RELN: variants seen among roughly 807,000 people sequenced by gnomAD.
RELN encodes the protein reelin.
A neutral mutation model predicts 427.6 loss-of-function variants in RELN; 108 were observed. The observed-to-expected ratio is 0.25, with a 90% confidence interval of 0.22 to 0.30. The LOEUF (loss-of-function observed/expected upper bound fraction) is 0.30. RELN is among the 10% of genes least tolerant of loss of function. The pLI, the probability that RELN is intolerant of heterozygous loss-of-function variation, is 1.00. For missense variants in RELN, 3,715 were observed against 4,302.8 expected (o/e 0.86, Z 3.82); for synonymous variants, 1,524 against 1,513.4 (o/e 1.01, Z -0.16).
At chr7:103,546,262 C>G (rs188984110) in intron 41 of RELN, among the ~76,000 whole-genome samples, 1 of 152,308 alleles carries the variant, frequency 6.6e-6, no homozygotes, top group Admixed American at 6.5e-5. Flanking sequence ...CCTTTTGTGT[C>G]TGGCTTCATT....
chr7:103,786,472 G>A (rs1202593301), intron 3 of RELN, among the ~76,000 whole-genome samples: 7 of 139,104 alleles, frequency 5.0e-5, no homozygotes, highest in African/African-American at 1.9e-4. Flanking sequence ...ACACACATAG[G>A]CCCAAAATAA....
intron 1 of RELN, among the ~76,000 whole-genome samples, chr7:103,961,010 C>G (rs1358552313): frequency 6.6e-6 from 1 of 152,188 alleles, no homozygotes; most frequent in Non-Finnish European, 1.5e-5. Flanking sequence ...ATTGTTAGGG[C>G]AGATGAATTT....
chr7:103,828,635 A>C (rs987563215), intron 3 of RELN, among the ~76,000 whole-genome samples: 2 of 151,954 alleles, frequency 1.3e-5, no homozygotes, highest in African/African-American at 4.8e-5. Context: ...TTTGCCTGTA[A>C]TTCACACATT....
intron 34 of RELN, 143 bp downstream of exon 34, chr7:103,565,135 C>A (rs987680921): frequency 1.9e-6 from 2 of 1,067,842 alleles, no homozygotes; most frequent in Non-Finnish European, 2.8e-6. Context: ...ACCCAAAGCA[C>A]CTTGCACTTT....
chr7:103,598,381 T>C (rs1831587966), intron 24 of RELN, among the ~76,000 whole-genome samples: 1 of 152,198 alleles, frequency 6.6e-6, no homozygotes, highest in African/African-American at 2.4e-5. Context: ...AACTCAGAGA[T>C]CCTAGCATTT....
chr7:103,703,081 T>C (rs1167106904), intron 8 of RELN, among the ~76,000 whole-genome samples: 2 of 151,996 alleles, frequency 1.3e-5, no homozygotes, highest in Non-Finnish European at 2.9e-5. Flanking sequence ...AAGACCATGA[T>C]TGGAGCTCAG....
intron 60 of RELN, 68 bp from the exon 61 acceptor site, chr7:103,486,484 T>A: frequency 1.6e-6 from 2 of 1,235,478 alleles, no homozygotes; most frequent in Non-Finnish European, 2.4e-6. Context: ...TAAGAACAAG[T>A]ATTCAAGTTC....
At chr7:103,927,976 C>T (rs1795783311) in intron 1 of RELN, among the ~76,000 whole-genome samples, 2 of 151,866 alleles carry the variant, frequency 1.3e-5, no homozygotes, top group East Asian at 1.9e-4. Context: ...AAATCTTAAT[C>T]TACCCTTAGC....
At chr7:103,945,899 G>A (rs972581673) in intron 1 of RELN, among the ~76,000 whole-genome samples, 1 of 152,178 alleles carries the variant, frequency 6.6e-6, no homozygotes, top group African/African-American at 2.4e-5. Context: ...GGAGCAACAA[G>A]GCTGGACTGC....
intron 19 of RELN, among the ~76,000 whole-genome samples, chr7:103,634,232 T>C (rs2117345191): frequency 6.6e-6 from 1 of 152,278 alleles, no homozygotes; most frequent in Admixed American, 6.5e-5. Context: ...TCCTTCTGTC[T>C]TTCTCATCTC....
chr7:103,729,053 A>G (rs1217693916), intron 6 of RELN, among the ~76,000 whole-genome samples: 1 of 152,136 alleles, frequency 6.6e-6, no homozygotes, highest in African/African-American at 2.4e-5. Context: ...GACCTTGTAT[A>G]TTTACGGTAA....
chr7:103,564,595 C>T lies in RELN; in HGVS notation c.5210+683G>A, dbSNP rs1475689601. Among the ~76,000 whole-genome samples, 3 of 152,196 alleles carry T rather than the reference C, an allele frequency of 2.0e-5. No homozygotes were observed. In the East Asian group the frequency reaches 5.8e-4, roughly 29 times the overall value. On this transcript the variant is annotated intron_variant, in intron 34 of 64. Coordinates refer to ENST00000428762, the MANE Select transcript of RELN (RefSeq NM_005045.4). The stretch of plus-strand genomic sequence containing the variant: ...ACCCTGATTTATCCCTTATCTCTCC[C>T]CTCCATTCTCCTGCAGTGTCTGACA...
chr7:103,601,973 C>A (rs1435939145), intron 24 of RELN, among the ~76,000 whole-genome samples: 1 of 152,130 alleles, frequency 6.6e-6, no homozygotes, highest in Non-Finnish European at 1.5e-5. Context: ...CCACCAGCAG[C>A]CACCAAACCA....
At chr7:103,576,797 G>A (rs578188927) in intron 28 of RELN, among the ~76,000 whole-genome samples, 1 of 152,274 alleles carries the variant, frequency 6.6e-6, no homozygotes, top group South Asian at 2.1e-4. Flanking sequence ...CCTAGTCCCA[G>A]TACTTCAAAA....
intron 49 of RELN, among the ~76,000 whole-genome samples, chr7:103,518,505 G>GTTTT (rs58239018): frequency 8.7e-6 from 1 of 114,404 alleles, no homozygotes; most frequent in Non-Finnish European, 1.6e-5. Context: ...GGTAATTTAA[G>GTTTT]TTTTTTTTTT....
At chr7:103,766,297 C>A (rs1791422987) in intron 4 of RELN, among the ~76,000 whole-genome samples, 1 of 152,216 alleles carries the variant, frequency 6.6e-6, no homozygotes, top group South Asian at 2.1e-4. Flanking sequence ...CTTTGACTAG[C>A]AAATGCTTAA....
At chr7:103,958,796 C>T (rs144712791) in intron 1 of RELN, among the ~76,000 whole-genome samples, 147 of 152,094 alleles carry the variant, frequency 9.7e-4, no homozygotes, top group African/African-American at 3.1e-3. Flanking sequence ...AAATCAGAAA[C>T]ATTAGACTTT....
intron 2 of RELN, among the ~76,000 whole-genome samples, chr7:103,914,300 G>T (rs1278214963): frequency 1.3e-5 from 2 of 151,846 alleles, no homozygotes; most frequent in Admixed American, 1.3e-4. Flanking sequence ...CTTATGTAAA[G>T]GAACTGACAA....
rs362801 is a variant in RELN at position 103,566,767 on chromosome 7, A to C, written c.4589-8T>G. On this transcript the variant is annotated splice_polypyrimidine_tract_variant and splice_region_variant and intron_variant, in intron 31 of 64. Coordinates refer to ENST00000428762, the MANE Select transcript of RELN (RefSeq NM_005045.4). ...AATACTGAACAATAAGCCCTGAGTT[A>C]AAAGACATAAATCCAGTTATTTGGA... The C allele has an allele frequency of 3.4e-3, 5,436 of 1,613,672 alleles. 138 individuals carry two copies. In the African/African-American group the frequency reaches 0.062, roughly 18 times the overall value.
Sources: allele counts gnomAD v4.1 joint callset (sites outside exome capture counted in the v4.1 genomes callset), GRCh38; gene constraint gnomAD v4.1.1; transcripts MANE v1.5; gene names NCBI Gene and HGNC (gene_info 2026-07-23, HGNC 2026-07-21).